The following IMMP2L variants were observed in gnomAD, a reference collection of about 807,000 sequenced individuals.
The protein encoded by IMMP2L is mitochondrial inner membrane protease subunit 2.
A neutral mutation model predicts 19.3 loss-of-function variants in IMMP2L; 18 were observed. That is an observed-to-expected ratio of 0.93 (90% CI 0.64 to 1.38). The LOEUF (loss-of-function observed/expected upper bound fraction) is 1.38, where lower values mean the gene tolerates loss of function less well. Among genes scored for constraint, IMMP2L ranks in the 40% most tolerant of loss-of-function variants. IMMP2L has a pLI of 0.00. For synonymous variants in IMMP2L, 76 were observed against 73.0 expected (o/e 1.04, Z -0.21); for missense variants, 233 against 218.2 (o/e 1.07, Z -0.43).
At chr7:110,893,529 T>A (rs1811026880) in intron 4 of IMMP2L, among the ~76,000 whole-genome samples, 1 of 152,172 alleles carries the variant, frequency 6.6e-6, no homozygotes, top group African/African-American at 2.4e-5. Flanking sequence ...CAAACAATAG[T>A]TCATGAACAC....
intron 3 of IMMP2L, among the ~76,000 whole-genome samples, chr7:111,143,958 C>T (rs752707797): frequency 2.0e-5 from 3 of 152,024 alleles, no homozygotes; most frequent in Non-Finnish European, 4.4e-5. Context: ...ATTACCCTAC[C>T]CTGTTTGGAA....
chr7:111,350,577 T>G (rs37651), intron 3 of IMMP2L, among the ~76,000 whole-genome samples: 86,681 of 151,622 alleles, frequency 0.57, 25,630 homozygotes, highest in South Asian at 0.71. Context: ...TGATCATTCT[T>G]CATAAATAAT....
intron 5 of IMMP2L, among the ~76,000 whole-genome samples, chr7:110,715,533 C>T (rs1275851569): frequency 1.3e-5 from 2 of 152,240 alleles, no homozygotes; most frequent in South Asian, 2.1e-4. Context: ...TCCCAAAAAT[C>T]ATTCAGGAGC....
At chr7:111,072,273 C>G (rs1285870329) in intron 3 of IMMP2L, among the ~76,000 whole-genome samples, 1 of 152,166 alleles carries the variant, frequency 6.6e-6, no homozygotes, top group East Asian at 1.9e-4. Flanking sequence ...GACTGCAAAA[C>G]TATTTCATAA....
intron 2 of IMMP2L, among the ~76,000 whole-genome samples, chr7:111,497,798 T>C (rs1245656417): frequency 3.3e-5 from 5 of 151,990 alleles, no homozygotes; most frequent in Admixed American, 2.0e-4. Flanking sequence ...AGTATCTTCA[T>C]CATACAGTTG....
intron 1 of IMMP2L, among the ~76,000 whole-genome samples, chr7:111,556,035 T>TATATATATATATATACACAC (rs1554550178): frequency 1.2e-3 from 163 of 135,730 alleles, no homozygotes; most frequent in African/African-American, 4.2e-3. Flanking sequence ...TATATATATA[T>TATATATATATATATACACAC]ACATACCCAA....
chr7:111,279,897 A>G (rs1466545460), intron 3 of IMMP2L, among the ~76,000 whole-genome samples: 4 of 151,926 alleles, frequency 2.6e-5, no homozygotes, highest in Non-Finnish European at 5.9e-5. Context: ...TCCATCTCCA[A>G]CCTCTATCTT....
chr7:111,307,606 C>T (rs1372423954), intron 3 of IMMP2L, among the ~76,000 whole-genome samples: 1 of 151,360 alleles, frequency 6.6e-6, no homozygotes, highest in Non-Finnish European at 1.5e-5. Context: ...TAATTACATA[C>T]ATTTTATATA....
At chr7:110,682,996 C>G (rs1792840747) in intron 5 of IMMP2L, among the ~76,000 whole-genome samples, 1 of 152,060 alleles carries the variant, frequency 6.6e-6, no homozygotes, top group African/African-American at 2.4e-5. Flanking sequence ...AGTAGAGAAG[C>G]ATTGCTCTGC....
rs540494556 is a variant in IMMP2L, at chr7:110,916,687, T to C, written c.306-29992A>G. ...CAAATAATTGTAAGAGCAAAAATAA[T>C]GTATGTTTTCTTTGCTTGTGGCAGT... On this transcript the variant is annotated intron_variant, in intron 4 of 5. Transcript: ENST00000405709. Among the ~76,000 whole-genome samples, 3 of 152,338 alleles carry C rather than the reference T, an allele frequency of 2.0e-5. No individual in the cohort carries two copies. In the East Asian group the frequency reaches 5.8e-4, roughly 29 times the overall value.
chr7:111,403,521 T>C (rs906779284), intron 3 of IMMP2L, among the ~76,000 whole-genome samples: 4 of 152,082 alleles, frequency 2.6e-5, no homozygotes, highest in African/African-American at 9.7e-5. Context: ...ACCTGCAATG[T>C]TGGTGCAATG....
chr7:111,298,635 A>G (rs1344292293), intron 3 of IMMP2L, among the ~76,000 whole-genome samples: 1 of 151,814 alleles, frequency 6.6e-6, no homozygotes, highest in African/African-American at 2.4e-5. Context: ...AGGTGCCTGT[A>G]GTTCCAGGTA....
At chr7:111,214,331 CTTTTTTTTTTTTTTT>C (rs1169450523) in intron 3 of IMMP2L, among the ~76,000 whole-genome samples, 2 of 82,194 alleles carry the variant, frequency 2.4e-5, no homozygotes, top group African/African-American at 1.1e-4. Context: ...AATTTTTCTT[CTTTTTTTTTTTTTTT>C]TTTTTTTTTT....
intron 3 of IMMP2L, among the ~76,000 whole-genome samples, chr7:111,413,312 T>G (rs1464628933): frequency 6.6e-6 from 1 of 152,088 alleles, no homozygotes; most frequent in Non-Finnish European, 1.5e-5. Flanking sequence ...CTATACAAAC[T>G]TTTTTTAGAA....
chr7:111,035,321 G>C (rs1408044689), intron 3 of IMMP2L, among the ~76,000 whole-genome samples: 5 of 152,108 alleles, frequency 3.3e-5, no homozygotes, highest in Non-Finnish European at 5.9e-5. Flanking sequence ...CTGATGTTTG[G>C]GTAACTGAAG....
intron 1 of IMMP2L, among the ~76,000 whole-genome samples, chr7:111,548,527 C>G (rs1849150685): frequency 6.6e-6 from 1 of 151,976 alleles, no homozygotes; most frequent in African/African-American, 2.4e-5. Flanking sequence ...AGTATAAATA[C>G]AAAAAGTTGA....
chr7:111,311,966 G>A (rs1823572261), intron 3 of IMMP2L, among the ~76,000 whole-genome samples: 1 of 152,026 alleles, frequency 6.6e-6, no homozygotes, highest in Non-Finnish European at 1.5e-5. Flanking sequence ...CACATCCAAG[G>A]CAATCAGAAT....
chr7:110,672,517 A>ATGGG (rs1227456499), intron 5 of IMMP2L, among the ~76,000 whole-genome samples: 1 of 152,108 alleles, frequency 6.6e-6, no homozygotes, highest in Non-Finnish European at 1.5e-5. Flanking sequence ...TCATTCCACC[A>ATGGG]TTAACCCAAA....
intron 3 of IMMP2L, among the ~76,000 whole-genome samples, chr7:111,047,477 C>T (rs188680787): frequency 1.3e-5 from 2 of 152,282 alleles, no homozygotes; most frequent in African/African-American, 2.4e-5. Context: ...CATGAGCCAC[C>T]GTGCCCAGCC....
Sources: allele counts gnomAD v4.1 joint callset (sites outside exome capture counted in the v4.1 genomes callset), GRCh38; gene constraint gnomAD v4.1.1; transcripts MANE v1.5; gene names NCBI Gene and HGNC (gene_info 2026-07-23, HGNC 2026-07-21).